LAMB4: variants seen among roughly 807,000 people sequenced by gnomAD.
LAMB4 encodes the protein laminin subunit beta 4.
Under a neutral mutation model 199.2 loss-of-function variants are expected in LAMB4, and 196 were observed. The observed-to-expected ratio is 0.98, with a 90% CI of 0.88 to 1.11. The LOEUF is 1.11. Ranked by LOEUF, LAMB4 falls within the 50% of genes least tolerant of loss-of-function variation. The pLI is 0.00. For missense variants in LAMB4, 2,080 were observed against 2,171.2 expected (o/e 0.96, Z 0.83); for synonymous variants, 744 against 770.6 (o/e 0.97, Z 0.57).
chr7:108,050,967 T>G (rs1293791891), intron 26 of LAMB4, among the ~76,000 whole-genome samples: 2 of 152,170 alleles, frequency 1.3e-5, no homozygotes, highest in African/African-American at 4.8e-5. Flanking sequence ...TAGACAGAAA[T>G]AACTCAAAGG....
intron 17 of LAMB4, among the ~76,000 whole-genome samples, chr7:108,070,363 GAC>G (rs1452010068): frequency 2.0e-5 from 3 of 152,096 alleles, no homozygotes; most frequent in Non-Finnish European, 4.4e-5. Flanking sequence ...GTTGTCCTTT[GAC>G]ACACCCAGCT....
Position 108,120,841 on chromosome 7 carries a change from C to G in LAMB4, c.34+2290G>C, listed in dbSNP as rs541431310. 3.3e-5 allele frequency among the ~76,000 whole-genome samples: 5 copies of G among 152,258 alleles called. No individual in the cohort carries two copies. The South Asian group carries it at 1.0e-3, about 32-fold the overall frequency. On this transcript the variant is annotated intron_variant, in intron 2 of 33. Coordinates refer to ENST00000388781, the MANE Select transcript of LAMB4 (RefSeq NM_007356.3). ...TGGAATTGTTGCCTTAGAGATTTAA[C>G]ATGTTTTTATAACCTGACTTGGCCA...
Position 108,023,947 on chromosome 7 carries a change from A to G in LAMB4, c.*92T>C. The G allele has an allele frequency of 9.4e-7, 1 of 1,065,642 alleles. No homozygotes were observed. 66.0% of individuals were successfully genotyped at this position (1,065,642 alleles called of 1,614,324 possible). A position where few individuals can be genotyped will look rare whatever the true frequency, so the allele number is the denominator to read the frequency against. On this transcript the variant is annotated 3_prime_UTR_variant, in exon 34 of 34. Coordinates refer to ENST00000388781, the MANE Select transcript of LAMB4 (RefSeq NM_007356.3). Reference sequence around the variant, plus strand: ...GGTGTGGGGAAGGAAGGTAGAAGACATTGTCAGTATTTCACAGGTTCAACA... The same window carrying G: ...GGTGTGGGGAAGGAAGGTAGAAGACGTTGTCAGTATTTCACAGGTTCAACA...
intron 13 of LAMB4, among the ~76,000 whole-genome samples, 175 bp from the exon 14 acceptor site, chr7:108,091,951 A>G (rs1006098795): frequency 3.3e-5 from 5 of 152,196 alleles, no homozygotes; most frequent in Admixed American, 6.5e-5. Context: ...GGTCTTGAAT[A>G]GTGAATCCAG....
In LAMB4 at chr7:108,043,745, A is replaced by T. The variant is rs1325468837; in HGVS notation, c.4471+7T>A. 4.6e-6 allele frequency: 7 copies of T among 1,534,686 alleles called. No individual in the cohort carries two copies. The East Asian group carries it at 9.1e-5, about 20-fold the overall frequency. On this transcript the variant is annotated splice_region_variant and intron_variant, in intron 29 of 33. Coordinates refer to ENST00000388781, the MANE Select transcript of LAMB4 (RefSeq NM_007356.3). Reference sequence around the variant, plus strand: ...AAAACTAGTCCTAATATATATTTTTAAATTACCTAACAAAAAGTTTTTCAC... The same window carrying T: ...AAAACTAGTCCTAATATATATTTTTTAATTACCTAACAAAAAGTTTTTCAC...
At chr7:108,036,677 C>A (rs535422099) in intron 30 of LAMB4, among the ~76,000 whole-genome samples, 24 of 152,092 alleles carry the variant, frequency 1.6e-4, no homozygotes, top group African/African-American at 5.8e-4. Flanking sequence ...GATCCTGTAA[C>A]CCTGACCCAC....
In LAMB4 at chr7:108,057,824, A is replaced by G. The variant is rs368750047; in HGVS notation, c.3379+8T>C. The G allele has an allele frequency of 2.4e-5, 38 of 1,586,068 alleles. No individual in the cohort carries two copies. Among genetic ancestry groups the G allele is most frequent in the South Asian group, 1.1e-4 (10 of 90,498 alleles). On this transcript the variant is annotated splice_region_variant and intron_variant, in intron 24 of 33. Transcript: ENST00000388781. ...TACGCATGAGTTTTTAGAAATCCCA[A>G]TACTTACGAATGCATCGCCCAGGTG...
rs760834495 is a variant in LAMB4, at chr7:108,098,596, C to T, written c.1181-14G>A. The T allele has an allele frequency of 5.1e-6, 8 of 1,577,098 alleles. No homozygotes were observed. The highest frequency in any genetic ancestry group is 4.1e-5 in the African/African-American group (3 of 73,602). On this transcript the variant is annotated splice_polypyrimidine_tract_variant and intron_variant, in intron 10 of 33. Transcript: ENST00000388781. ...CACATTCACAAGCTGGGGACACAGA[C>T]ATTCATTGTTTTAGTTAATTGCAAA...
chr7:108,091,190 A>G (rs1312154919), intron 14 of LAMB4, among the ~76,000 whole-genome samples: 6 of 152,136 alleles, frequency 3.9e-5, no homozygotes, highest in African/African-American at 1.2e-4. Flanking sequence ...AGATATCTAT[A>G]AAGTTCCTAC....
intron 1 of LAMB4, among the ~76,000 whole-genome samples, chr7:108,126,553 T>TC (rs1563117295): frequency 1.3e-5 from 1 of 75,914 alleles, no homozygotes; most frequent in African/African-American, 5.8e-5. Flanking sequence ...AGAATTTCTT[T>TC]CTTTTTTTTT....
At chr7:108,067,137 G>A (rs535890525) in intron 19 of LAMB4, among the ~76,000 whole-genome samples, 29 of 152,146 alleles carry the variant, frequency 1.9e-4, no homozygotes, top group Admixed American at 3.3e-4. Context: ...ATAGGGTGGC[G>A]CATGGAAGAA....
chr7:108,074,320 AT>A (rs1269447532), intron 17 of LAMB4, among the ~76,000 whole-genome samples: 2 of 152,178 alleles, frequency 1.3e-5, no homozygotes. Flanking sequence ...CCATAGTTAT[AT>A]GTAAGAGAAT....
intron 19 of LAMB4, among the ~76,000 whole-genome samples, chr7:108,067,205 TAAAAA>T (rs1003172190): frequency 4.6e-5 from 7 of 151,776 alleles, no homozygotes; most frequent in Admixed American, 3.9e-4. Flanking sequence ...TAACTTTTCT[TAAAAA>T]AAAGAAAAGA....
intron 23 of LAMB4, among the ~76,000 whole-genome samples, chr7:108,062,018 GT>G (rs1342696784): frequency 6.6e-6 from 1 of 151,944 alleles, no homozygotes; most frequent in Admixed American, 6.6e-5. Context: ...TCTTGTCATT[GT>G]TTTTACCCTT....
At chr7:108,025,058 A>G (rs2034784831) in intron 33 of LAMB4, among the ~76,000 whole-genome samples, 1 of 152,232 alleles carries the variant, frequency 6.6e-6, no homozygotes, top group Admixed American at 6.5e-5. Context: ...GTGTTTAGAA[A>G]AAAGAATCAG....
downstream of LAMB4, chr7:108,023,414 GC>G (rs1427974990): frequency 6.6e-5 from 10 of 152,228 alleles, no homozygotes; most frequent in Admixed American, 2.0e-4. Flanking sequence ...ACATTTTAAA[GC>G]AAAAATGTCC....
rs750830292 is a variant in LAMB4, at chr7:108,103,081, G to T, written c.1143C>A (p.Asp381Glu). ...CDRCRPLFYR[D>E]PLKTISDPYA... ...AGGGATCTGAGATGGTCTTGAGCGG[G>T]TCCCTGTAGAAGAGGGGTCTGCAGC... is the stretch of plus-strand genomic sequence containing the variant. The change falls in exon 10 of 34, where the codon GAC becomes GAA. Residue 381 changes from aspartate (D) to glutamate (E), a missense_variant. Asp to Glu is a conservative substitution (Grantham distance 45). Coordinates refer to ENST00000388781, the MANE Select transcript of LAMB4 (RefSeq NM_007356.3). 6.2e-7 allele frequency: 1 copy of T among 1,610,634 alleles called. No homozygotes were observed. The highest frequency in any genetic ancestry group is 2.2e-5 in the East Asian group (1 of 44,762).
chr7:108,016,746 A>G, the LAMB4 span, among the ~76,000 whole-genome samples: 1 of 152,202 alleles, frequency 6.6e-6, no homozygotes, highest in Non-Finnish European at 1.5e-5. Context: ...CAGAGGTAAT[A>G]TCTTCAGCTA....
intron 27 of LAMB4, 47 bp from the exon 28 acceptor site, chr7:108,048,158 C>CTTTTTTTTTTTTTTT (rs747991620): frequency 2.5e-6 from 1 of 402,496 alleles, no homozygotes; most frequent in Non-Finnish European, 4.0e-6. Context: ...GTTGTCAGAG[C>CTTTTTTTTTTTTTTT]TTTTTTTTTT....
Sources: gnomAD v4.1 joint callset for allele counts (sites outside exome capture counted in the v4.1 genomes callset) on GRCh38, gnomAD v4.1.1 for gene constraint, MANE v1.5 for transcripts, NCBI Gene and HGNC (gene_info 2026-07-23, HGNC 2026-07-21) for gene names.